ZMYND19: variants seen among roughly 807,000 people sequenced by gnomAD.
The protein encoded by ZMYND19 is zinc finger MYND domain-containing protein 19.
Under a neutral mutation model 32.0 loss-of-function variants are expected in ZMYND19, and 17 were observed. The observed-to-expected ratio is 0.53, with a 90% CI of 0.36 to 0.80. The LOEUF (loss-of-function observed/expected upper bound fraction) is 0.80. Ranked by LOEUF, ZMYND19 falls within the 30% of genes least tolerant of loss-of-function variation. The probability of loss-of-function intolerance (pLI) is 0.00; values close to 1 mark genes in which losing one functional copy is unlikely to be tolerated. For missense variants in ZMYND19, 250 were observed against 293.6 expected, an observed-to-expected ratio of 0.85 and a Z score of 1.09; for synonymous variants, 124 against 113.6, an observed-to-expected ratio of 1.09 and a Z score of -0.58.
At chr9:137,584,468 G>A (rs1190931853) in intron 4 of ZMYND19, among the ~76,000 whole-genome samples, 3 of 152,236 alleles carry the variant, frequency 2.0e-5, no homozygotes, top group East Asian at 1.9e-4. Flanking sequence ...AGGATTCAAG[G>A]TAACATTCAG....
chr9:137,587,080 C>T lies in ZMYND19; in HGVS notation c.246G>A (p.Pro82=), dbSNP rs371447436. 1.6e-5 allele frequency: 26 copies of T among 1,608,296 alleles called. No homozygotes were observed. Among genetic ancestry groups the T allele is most frequent in the East Asian group, 1.1e-4 (5 of 44,888 alleles). ...CGTTGAGGTGCACCACCTGGAAGCC[C>T]GGGGCCACGCCCCCCCGGTGCCGCT... ...LWERHRGGVA[P]GFQVVHLNAV... is the part of the protein sequence containing the mutation. The change falls in exon 4 of 6, where the codon CCG becomes CCA. Residue 82 remains proline, a synonymous_variant. Transcript: ENST00000298585.
chr9:137,588,656 T>A lies in ZMYND19; in HGVS notation c.111+3A>T. The stretch of plus-strand genomic sequence containing the variant: ...AGGGGAGGGAACAGCCATCCTTACT[T>A]ACCTCAAAGGAGTAGCTCTCCACCA... On this transcript the variant is annotated splice_donor_region_variant and intron_variant, in intron 2 of 5. Transcript: ENST00000298585. 1 of 1,614,168 alleles carries A rather than the reference T, an allele frequency of 6.2e-7. No individual in the cohort carries two copies.
chr9:137,587,728 A>T lies in ZMYND19; in HGVS notation c.207T>A (p.His69Gln). 6.2e-7 allele frequency: 1 copy of T among 1,613,498 alleles called. No individual in the cohort carries two copies. The highest frequency in any genetic ancestry group is 8.5e-7 in the Non-Finnish European group (1 of 1,179,484). Reference sequence around the variant, plus strand: ...TTGGAAACACCCACCACAGCAGCTCATGAAGGAGTCTCCCAGAGCCCCTTC... The same window carrying T: ...TTGGAAACACCCACCACAGCAGCTCTTGAAGGAGTCTCCCAGAGCCCCTTC... Reference protein sequence around the residue: ...NRGRGSGRLLHELLWERHRGG... With the variant: ...NRGRGSGRLLQELLWERHRGG... The change falls in exon 3 of 6, where the codon CAT (histidine) becomes CAA (glutamine). Residue 69 changes from histidine (H) to glutamine (Q), a missense_variant. His to Gln is a conservative substitution (Grantham distance 24). This residue lies in a region of ZMYND19 where 212 missense variants were observed against 218.8 expected (regional missense o/e 0.97). Transcript: ENST00000298585.
intron 2 of ZMYND19, among the ~76,000 whole-genome samples, chr9:137,588,044 A>G (rs1842225929): frequency 6.6e-6 from 1 of 152,214 alleles, no homozygotes; most frequent in African/African-American, 2.4e-5. Context: ...AACACTCACA[A>G]ACAACTCTGC....
At chr9:137,583,563 C>T (rs1404980122) in intron 4 of ZMYND19, among the ~76,000 whole-genome samples, 1 of 152,208 alleles carries the variant, frequency 6.6e-6, no homozygotes, top group African/African-American at 2.4e-5. Flanking sequence ...CGTCTAAAAA[C>T]TCCTCCTGCT....
chr9:137,582,312 T>C lies in ZMYND19; in HGVS notation c.*231A>G, dbSNP rs1309945035. 1 of 520,222 alleles carries C rather than the reference T, an allele frequency of 1.9e-6. No individual in the cohort carries two copies. Among genetic ancestry groups the C allele is most frequent in the African/African-American group, 1.9e-5 (1 of 51,788 alleles). The allele number at this position is 520,222 out of a possible 1,614,324, so 32.2% of individuals were successfully genotyped here. A position where few individuals can be genotyped will look rare whatever the true frequency, so the allele number is the denominator to read the frequency against. On this transcript the variant is annotated 3_prime_UTR_variant, in exon 6 of 6. Transcript: ENST00000298585. ...ACATGAGTTTACAAACATATTAACA[T>C]ATAAATAATGAGAACCGTCCTGGTG... is the stretch of plus-strand genomic sequence containing the variant.
rs377562181 is a variant in ZMYND19 at position 137,582,510 on chromosome 9, G to T, written c.*33C>A. 4 of 1,602,482 alleles carry T rather than the reference G, an allele frequency of 2.5e-6. No homozygotes were observed. In the East Asian group the frequency reaches 8.9e-5, roughly 36 times the overall value. On this transcript the variant is annotated 3_prime_UTR_variant, in exon 6 of 6. Coordinates refer to ENST00000298585, the MANE Select transcript of ZMYND19 (RefSeq NM_138462.3). The stretch of plus-strand genomic sequence containing the variant: ...CTCTGCTGTGCCCAGGGTAGAGCCC[G>T]GGGGCTGTGAGTATGTGTGGCTCCC...
Position 137,588,689 on chromosome 9 carries a change from G to A in ZMYND19, c.81C>T (p.Asp27=). 3 of 1,614,218 alleles carry A rather than the reference G, an allele frequency of 1.9e-6. No individual in the cohort carries two copies. Among genetic ancestry groups the A allele is most frequent in the Non-Finnish European group, 1.7e-6 (2 of 1,180,012 alleles). The stretch of plus-strand genomic sequence containing the variant: ...AGGAGTAGCTCTCCACCAGCGGGAT[G>A]TCCTGCTCATCGATCAGCGTGTATT... ...KTKYTLIDEQ[D]IPLVESYSFE... is the part of the protein sequence containing the mutation. Residue 27 remains aspartate (D), a synonymous_variant, in exon 2 of 6, where the codon GAC becomes GAT. Coordinates refer to ENST00000298585, the MANE Select transcript of ZMYND19 (RefSeq NM_138462.3).
chr9:137,584,407 G>A (rs1342825012), intron 4 of ZMYND19, among the ~76,000 whole-genome samples: 5 of 152,324 alleles, frequency 3.3e-5, no homozygotes, highest in African/African-American at 1.2e-4. Flanking sequence ...CTTTCCAAAC[G>A]GCTGTTCTTA....
chr9:137,585,434 A>T (rs1842193685), intron 4 of ZMYND19, among the ~76,000 whole-genome samples: 1 of 146,360 alleles, frequency 6.8e-6, no homozygotes, highest in Non-Finnish European at 1.5e-5. Context: ...AAAAAAAAAA[A>T]ATGCTGAGGC....
intron 1 of ZMYND19, chr9:137,589,751 A>G: frequency 1.0e-6 from 1 of 985,502 alleles, no homozygotes; most frequent in Non-Finnish European, 1.2e-6. Context: ...GAGGCACAGA[A>G]GAGCCCACAC....
intron 3 of ZMYND19, 127 bp downstream of exon 3, chr9:137,587,590 A>C: frequency 1.2e-6 from 1 of 801,706 alleles, no homozygotes; most frequent in Non-Finnish European, 2.1e-6. Flanking sequence ...GGACACAAAA[A>C]TAACTGCGAG....
Position 137,590,048 on chromosome 9 carries a change from C to A in ZMYND19, c.51+165G>T. The A allele has an allele frequency of 1.0e-6, 1 of 983,628 alleles. No individual in the cohort carries two copies. The highest frequency in any genetic ancestry group is 1.2e-6 in the Non-Finnish European group (1 of 828,928). 60.9% of individuals were successfully genotyped at this position (983,628 alleles called of 1,614,324 possible). On this transcript the variant is annotated intron_variant, in intron 1 of 5. Transcript: ENST00000298585. This position sits in a 1 kb window ranked among gnomAD's most constrained non-coding sequence, Gnocchi z 4.2. ...GCCGGCCTGCGAGAGGAAGCTGCACCCGCGCGGGGCCAGCAGCCGGGCCCG... is the reference window on the plus strand; with the variant it reads ...GCCGGCCTGCGAGAGGAAGCTGCACACGCGCGGGGCCAGCAGCCGGGCCCG...
intron 2 of ZMYND19, among the ~76,000 whole-genome samples, chr9:137,588,310 G>T (rs959288499): frequency 6.6e-6 from 1 of 152,252 alleles, no homozygotes; most frequent in Non-Finnish European, 1.5e-5. Context: ...GAGGTGGCTA[G>T]CTCTAAAGAG....
At chr9:137,585,844 T>C (rs1842198190) in intron 4 of ZMYND19, among the ~76,000 whole-genome samples, 1 of 152,256 alleles carries the variant, frequency 6.6e-6, no homozygotes, top group African/African-American at 2.4e-5. Flanking sequence ...CACTAAACCT[T>C]ACCAGCGTTG....
intron 1 of ZMYND19, chr9:137,589,510 T>A (rs1588975447): frequency 1.0e-6 from 1 of 985,466 alleles, no homozygotes; most frequent in Middle Eastern, 5.2e-4. Context: ...CTGGTGCAGC[T>A]GCACAGGTGG....
Position 137,582,377 on chromosome 9 carries a change from G to A in ZMYND19, c.*166C>T, listed in dbSNP as rs1286639514. 5 of 899,636 alleles carry A rather than the reference G, an allele frequency of 5.6e-6. No individual in the cohort carries two copies. Among genetic ancestry groups the A allele is most frequent in the Non-Finnish European group, 8.2e-6 (5 of 610,570 alleles). The allele number at this position is 899,636 out of a possible 1,614,324, so 55.7% of individuals were successfully genotyped here. A position where few individuals can be genotyped will look rare whatever the true frequency, so the allele number is the denominator to read the frequency against. ...TGTCTCTGCTGGAGATGAACACTGA[G>A]GGGCGCTGTAACCACACAGACTGCC... On this transcript the variant is annotated 3_prime_UTR_variant, in exon 6 of 6. Coordinates refer to ENST00000298585, the MANE Select transcript of ZMYND19 (RefSeq NM_138462.3).
chr9:137,589,861 G>A (rs920405157), intron 1 of ZMYND19: 2 of 985,304 alleles, frequency 2.0e-6, no homozygotes, highest in African/African-American at 1.7e-5. Context: ...GCCGCGCTAG[G>A]CCCCGGATCG....
rs1842223492 is a variant in ZMYND19 at position 137,587,843 on chromosome 9, A to G, written c.112-20T>C. On this transcript the variant is annotated intron_variant, in intron 2 of 5. Coordinates refer to ENST00000298585, the MANE Select transcript of ZMYND19 (RefSeq NM_138462.3). ...TCGGGCCTGAGAAGGAACAAGGGAA[A>G]GAGCTGTTAAAAAACCTCCAATTCT... is the stretch of plus-strand genomic sequence containing the variant. The G allele has an allele frequency of 6.2e-7, 1 of 1,611,030 alleles. No homozygotes were observed. Among genetic ancestry groups the G allele is most frequent in the East Asian group, 2.2e-5 (1 of 44,864 alleles).
Sources: gnomAD v4.1 joint callset for allele counts (sites outside exome capture counted in the v4.1 genomes callset) on GRCh38, gnomAD v4.1.1 for gene constraint, gnomAD v4.1.1 regional missense constraint, Gnocchi (gnomAD v3.1) non-coding constraint, MANE v1.5 for transcripts, NCBI Gene and HGNC (gene_info 2026-07-23, HGNC 2026-07-21) for gene names.